HS6ST3: variants seen among roughly 807,000 people sequenced by gnomAD.
The protein encoded by HS6ST3 is heparan-sulfate 6-O-sulfotransferase 3.
Under a neutral mutation model 36.7 loss-of-function variants are expected in HS6ST3, and 12 were observed. The observed-to-expected ratio is 0.33, with a 90% confidence interval of 0.21 to 0.53. HS6ST3 has a LOEUF of 0.53. HS6ST3 is among the 20% of genes least tolerant of loss of function. HS6ST3 has a pLI of 0.95. For synonymous variants in HS6ST3, 240 were observed against 257.5 expected (o/e 0.93, Z 0.65); for missense variants, 584 against 640.9 (o/e 0.91, Z 0.96).
intron 1 of HS6ST3, among the ~76,000 whole-genome samples, chr13:96,246,251 G>A (rs1163308169): frequency 6.6e-6 from 1 of 152,110 alleles, no homozygotes; most frequent in Non-Finnish European, 1.5e-5. Flanking sequence ...AGCCAGTGTA[G>A]CCAACCAGGC....
intron 1 of HS6ST3, among the ~76,000 whole-genome samples, chr13:96,123,286 AT>A (rs1164834716): frequency 3.3e-5 from 5 of 152,078 alleles, no homozygotes; most frequent in Admixed American, 2.6e-4. Context: ...TTTTGCTTAT[AT>A]TTTTTTAGAA....
chr13:96,311,533 C>G (rs1255157081), intron 1 of HS6ST3, among the ~76,000 whole-genome samples: 2 of 151,982 alleles, frequency 1.3e-5, no homozygotes, highest in Non-Finnish European at 2.9e-5. Flanking sequence ...CCAGAGTAGT[C>G]GTCATGAAAC....
chr13:96,149,754 G>A (rs1287874386), intron 1 of HS6ST3, among the ~76,000 whole-genome samples: 1 of 152,144 alleles, frequency 6.6e-6, no homozygotes, highest in Non-Finnish European at 1.5e-5. Flanking sequence ...TACAGCCAAA[G>A]GATTTGAAGA....
At chr13:96,791,038 TGATATTA>T (rs1262892671) in intron 1 of HS6ST3, among the ~76,000 whole-genome samples, 1 of 152,038 alleles carries the variant, frequency 6.6e-6, no homozygotes, top group African/African-American at 2.4e-5. Flanking sequence ...CAACCCCCAC[TGATATTA>T]GATACAGTTT....
In HS6ST3 at chr13:96,090,391, G is replaced by C. The variant is rs997338757; in HGVS notation, c.-472G>C. On this transcript the variant is annotated 5_prime_UTR_variant, in exon 1 of 2. Transcript: ENST00000376705. ...GGCCGGGGCGGCGGGAGCGGGCCGC[G>C]CCTTCGCCCTTGGCCGGCGCCCTGG... 6.8e-6 allele frequency among the ~76,000 whole-genome samples: 1 copy of C among 146,198 alleles called. No individual in the cohort carries two copies. The highest frequency in any genetic ancestry group is 2.4e-5 in the African/African-American group (1 of 40,850).
intron 1 of HS6ST3, among the ~76,000 whole-genome samples, chr13:96,575,362 G>A (rs2056316844): frequency 6.6e-6 from 1 of 152,192 alleles, no homozygotes; most frequent in African/African-American, 2.4e-5. Flanking sequence ...TGGTAGCAGT[G>A]CCTATAGTTG....
chr13:96,339,817 C>G (rs769746271), intron 1 of HS6ST3, among the ~76,000 whole-genome samples: 13 of 152,000 alleles, frequency 8.6e-5, no homozygotes, highest in Non-Finnish European at 7.4e-5. Context: ...ATCTGTGGGC[C>G]CTGTGTGGAT....
intron 1 of HS6ST3, among the ~76,000 whole-genome samples, chr13:96,703,301 C>G (rs973347872): frequency 6.6e-6 from 1 of 152,186 alleles, no homozygotes; most frequent in African/African-American, 2.4e-5. Flanking sequence ...TGCTTAAGAA[C>G]TGTATTTAAC....
At chr13:96,108,688 G>T (rs1937246253) in intron 1 of HS6ST3, among the ~76,000 whole-genome samples, 1 of 152,190 alleles carries the variant, frequency 6.6e-6, no homozygotes, top group Non-Finnish European at 1.5e-5. Context: ...AAGAACCCAT[G>T]TTAAAATATT....
chr13:96,324,808 A>G (rs921586496), intron 1 of HS6ST3, among the ~76,000 whole-genome samples: 2 of 152,188 alleles, frequency 1.3e-5, no homozygotes, highest in African/African-American at 4.8e-5. Flanking sequence ...CCTAGAATAG[A>G]TTGTCTCTCC....
chr13:96,301,547 C>A (rs139489163), intron 1 of HS6ST3, among the ~76,000 whole-genome samples: 1 of 152,190 alleles, frequency 6.6e-6, no homozygotes, highest in Non-Finnish European at 1.5e-5. Context: ...CTTCTCTGAG[C>A]CTCTGGATCT....
intron 1 of HS6ST3, among the ~76,000 whole-genome samples, chr13:96,369,099 T>A (rs1566339882): frequency 6.6e-6 from 1 of 151,880 alleles, no homozygotes; most frequent in Non-Finnish European, 1.5e-5. Context: ...GTGTGAGAGT[T>A]GAGGGGAGGT....
rs1220978399 is a variant in HS6ST3 at position 96,185,896 on chromosome 13, G to T, written c.707+94327G>T. The stretch of plus-strand genomic sequence containing the variant: ...TATTTGCAATGGGAAACGTTTATTC[G>T]CATGTACAGAACCTATCTGCTCCTC... On this transcript the variant is annotated intron_variant, in intron 1 of 1. Transcript: ENST00000376705. Among the ~76,000 whole-genome samples, 11 of 152,230 alleles carry T rather than the reference G, an allele frequency of 7.2e-5. No individual in the cohort carries two copies. The South Asian group carries it at 2.3e-3, about 32-fold the overall frequency.
intron 1 of HS6ST3, among the ~76,000 whole-genome samples, chr13:96,592,449 ACAC>A (rs1266449139): frequency 6.6e-6 from 1 of 152,154 alleles, no homozygotes; most frequent in Non-Finnish European, 1.5e-5. Context: ...GATAGTTTAC[ACAC>A]CACAATTACA....
intron 1 of HS6ST3, among the ~76,000 whole-genome samples, chr13:96,505,188 A>G (rs2056021356): frequency 6.6e-6 from 1 of 152,202 alleles, no homozygotes; most frequent in Non-Finnish European, 1.5e-5. Context: ...CTGTGCAATC[A>G]CATGGGGGAA....
chr13:96,340,193 A>G (rs1010241311), intron 1 of HS6ST3, among the ~76,000 whole-genome samples: 6 of 152,260 alleles, frequency 3.9e-5, no homozygotes, highest in African/African-American at 1.4e-4. Flanking sequence ...TAAGAAATCA[A>G]CAACATGTCA....
chr13:96,167,395 G>A (rs77482975), intron 1 of HS6ST3, among the ~76,000 whole-genome samples: 3,945 of 152,218 alleles, frequency 0.026, 66 homozygotes, highest in South Asian at 0.055. Context: ...TCCAGTGTTT[G>A]TTCAGGAGGA....
At chr13:96,290,026 A>G (rs1045719075) in intron 1 of HS6ST3, among the ~76,000 whole-genome samples, 2 of 152,104 alleles carry the variant, frequency 1.3e-5, no homozygotes, top group African/African-American at 2.4e-5. Flanking sequence ...CGAGAAGTCT[A>G]TGGGAAGGGA....
At chr13:96,691,339 T>C (rs1266734091) in intron 1 of HS6ST3, among the ~76,000 whole-genome samples, 3 of 152,116 alleles carry the variant, frequency 2.0e-5, no homozygotes, top group Non-Finnish European at 4.4e-5. Flanking sequence ...CTCACTCATT[T>C]GAACTCCATA....
Sources: allele counts gnomAD v4.1 joint callset (sites outside exome capture counted in the v4.1 genomes callset), GRCh38; gene constraint gnomAD v4.1.1; transcripts MANE v1.5; gene names NCBI Gene and HGNC (gene_info 2026-07-23, HGNC 2026-07-21).